Variants in STARD13 observed in about 807,000 individuals in gnomAD.
STARD13 encodes stAR-related lipid transfer protein 13.
Under a neutral mutation model 106.4 loss-of-function variants are expected in STARD13, and 62 were observed. That is an observed-to-expected ratio of 0.58 (90% CI 0.48 to 0.72). STARD13 has a LOEUF of 0.72. STARD13 is among the 30% of genes least tolerant of loss of function. STARD13 has a pLI of 0.00. For synonymous variants in STARD13, 565 were observed against 553.0 expected (o/e 1.02, Z -0.31); for missense variants, 1,387 against 1,424.0 (o/e 0.97, Z 0.42).
intron 1 of STARD13, among the ~76,000 whole-genome samples, chr13:33,217,580 C>T (rs993026345): frequency 1.2e-4 from 18 of 152,158 alleles, no homozygotes; most frequent in Non-Finnish European, 2.9e-5. Flanking sequence ...GAGGACCATG[C>T]GGCCTGGCCT....
At chr13:33,499,337 AAATTT>A in the STARD13 span, among the ~76,000 whole-genome samples, 1 of 152,182 alleles carries the variant, frequency 6.6e-6, no homozygotes, top group African/African-American at 2.4e-5. Flanking sequence ...TAAATAACAT[AAATTT>A]ATTTCTTATA....
chr13:33,347,436 G>T (rs2078029383), downstream of STARD13, among the ~76,000 whole-genome samples: 1 of 151,982 alleles, frequency 6.6e-6, no homozygotes, highest in Non-Finnish European at 1.5e-5. Context: ...TAGTAGAGAT[G>T]GGGTTTCACT....
At chr13:33,173,985 T>C (rs1018082298) in intron 1 of STARD13, among the ~76,000 whole-genome samples, 3 of 152,318 alleles carry the variant, frequency 2.0e-5, no homozygotes, top group African/African-American at 7.2e-5. Flanking sequence ...TCACCAATTC[T>C]ACACATAAGC....
chr13:33,571,449 G>A, the STARD13 span, among the ~76,000 whole-genome samples: 5 of 152,176 alleles, frequency 3.3e-5, 1 homozygote, highest in Admixed American at 3.3e-4. Flanking sequence ...TATAATGCCT[G>A]CATTTTTCTG....
chr13:33,526,428 G>A, the STARD13 span, among the ~76,000 whole-genome samples: 3 of 152,080 alleles, frequency 2.0e-5, no homozygotes, highest in African/African-American at 4.8e-5. Context: ...AACTGAAACA[G>A]GGTGAACACT....
At chr13:33,544,883 C>T in the STARD13 span, among the ~76,000 whole-genome samples, 3 of 150,108 alleles carry the variant, frequency 2.0e-5, no homozygotes, top group Admixed American at 6.7e-5. Context: ...AAGCGATTCT[C>T]CTGCCTCAAC....
chr13:33,664,633 CTT>C, the STARD13 span, among the ~76,000 whole-genome samples: 1 of 152,098 alleles, frequency 6.6e-6, no homozygotes, highest in African/African-American at 2.4e-5. Flanking sequence ...ACTATTGACT[CTT>C]TTATTTATTG....
At chr13:33,193,036 T>C (rs1402215180) in intron 1 of STARD13, among the ~76,000 whole-genome samples, 2 of 152,242 alleles carry the variant, frequency 1.3e-5, no homozygotes, top group Admixed American at 1.3e-4. Context: ...CCCTCATTCA[T>C]AACTAAATGG....
chr13:33,571,009 A>G, the STARD13 span, among the ~76,000 whole-genome samples: 2 of 152,156 alleles, frequency 1.3e-5, no homozygotes, highest in Non-Finnish European at 2.9e-5. Context: ...TGGAGGCATC[A>G]TGCTGCACCT....
chr13:33,358,980 T>A, the STARD13 span, among the ~76,000 whole-genome samples: 1 of 152,110 alleles, frequency 6.6e-6, no homozygotes, highest in Non-Finnish European at 1.5e-5. Context: ...AGAACCTTTG[T>A]ATCTAGCTCA....
the STARD13 span, among the ~76,000 whole-genome samples, chr13:33,407,451 C>T: frequency 6.6e-6 from 1 of 152,166 alleles, no homozygotes; most frequent in African/African-American, 2.4e-5. Context: ...ATTGCTCCTG[C>T]TTTTTGCATT....
chr13:33,577,442 A>G, the STARD13 span, among the ~76,000 whole-genome samples: 39 of 152,258 alleles, frequency 2.6e-4, no homozygotes, highest in East Asian at 6.4e-3. Context: ...CTGTATGTAA[A>G]TTTTATCTGA....
chr13:33,267,208 C>G (rs1890938744), intron 1 of STARD13, among the ~76,000 whole-genome samples: 1 of 152,122 alleles, frequency 6.6e-6, no homozygotes, highest in African/African-American at 2.4e-5. Flanking sequence ...CAGACTGGAC[C>G]ACCTATTCAA....
chr13:33,601,051 C>G, the STARD13 span, among the ~76,000 whole-genome samples: 1 of 152,184 alleles, frequency 6.6e-6, no homozygotes, highest in African/African-American at 2.4e-5. Flanking sequence ...TTCTACTATT[C>G]TTGTCTTTTG....
At chr13:33,442,424 G>A in the STARD13 span, among the ~76,000 whole-genome samples, 1 of 152,122 alleles carries the variant, frequency 6.6e-6, no homozygotes, top group African/African-American at 2.4e-5. Context: ...ATAAATCAAT[G>A]CAACCCAACT....
At chr13:33,211,454 T>C (rs1400141318) in intron 1 of STARD13, among the ~76,000 whole-genome samples, 1 of 152,196 alleles carries the variant, frequency 6.6e-6, no homozygotes, top group African/African-American at 2.4e-5. Flanking sequence ...ACTTGTTATA[T>C]ATGTGGGTTT....
At chr13:33,336,757 GAAAA>G (rs113858591) in intron 1 of STARD13, 1 of 113,598 alleles carries the variant, frequency 8.8e-6, no homozygotes, top group African/African-American at 3.4e-5. Context: ...CCCTGTATCA[GAAAA>G]AAAAAAAAAA....
chr13:33,256,289 G>A (rs935101617), intron 1 of STARD13, among the ~76,000 whole-genome samples: 5 of 152,156 alleles, frequency 3.3e-5, no homozygotes, highest in Admixed American at 6.5e-5. Context: ...TCACTGGCTC[G>A]GCCTTCCTGA....
the STARD13 span, among the ~76,000 whole-genome samples, chr13:33,424,607 T>C: frequency 6.6e-6 from 1 of 152,164 alleles, no homozygotes; most frequent in Non-Finnish European, 1.5e-5. Flanking sequence ...CTCAGGCAGC[T>C]GGTGGAGGAA....
Sources: gnomAD v4.1 joint callset for allele counts (sites outside exome capture counted in the v4.1 genomes callset) on GRCh38, gnomAD v4.1.1 for gene constraint, MANE v1.5 for transcripts, NCBI Gene and HGNC (gene_info 2026-07-23, HGNC 2026-07-21) for gene names.